SBNO1: variants seen among roughly 807,000 people sequenced by gnomAD.
SBNO1 encodes strawberry notch homolog 1, also known as protein strawberry notch homolog 1.
In SBNO1, 23 loss-of-function variants were observed where a neutral mutation model predicts 173.6. The ratio of observed to expected loss-of-function variants is 0.13; its 90% CI spans 0.10 to 0.19. The LOEUF is 0.19. SBNO1 is among the 10% of genes least tolerant of loss of function. The probability of loss-of-function intolerance (pLI) is 1.00; values close to 1 mark genes in which losing one functional copy is unlikely to be tolerated. For missense variants in SBNO1, 1,238 were observed against 1,671.2 expected, an observed-to-expected ratio of 0.74 and a Z score of 4.52; for synonymous variants, 632 against 571.5, an observed-to-expected ratio of 1.11 and a Z score of -1.51.
intron 1 of SBNO1, among the ~76,000 whole-genome samples, chr12:123,353,248 A>C (rs1874084263): frequency 6.6e-6 from 1 of 152,142 alleles, no homozygotes; most frequent in Non-Finnish European, 1.5e-5. Context: ...GCCCAAAACA[A>C]CCCTGAGTGA....
intron 1 of SBNO1, among the ~76,000 whole-genome samples, chr12:123,354,996 C>T (rs1014384589): frequency 3.9e-5 from 6 of 152,164 alleles, no homozygotes; most frequent in Non-Finnish European, 1.5e-5. Context: ...TTGAAACCAG[C>T]CTGGGCAACA....
chr12:123,343,914 A>G (rs1593398175), intron 4 of SBNO1, among the ~76,000 whole-genome samples: 1 of 152,160 alleles, frequency 6.6e-6, no homozygotes, highest in African/African-American at 2.4e-5. Context: ...GTGCAGCCTG[A>G]TAAATGTCTG....
chr12:123,302,240 T>G (rs1322084016), intron 30 of SBNO1, among the ~76,000 whole-genome samples: 2 of 133,742 alleles, frequency 1.5e-5, no homozygotes, highest in African/African-American at 5.6e-5. Context: ...GCCTTATTGT[T>G]TTTTTTTTTG....
In SBNO1 at chr12:123,292,954, G is replaced by A. The variant is rs1417250102; in HGVS notation, c.*2954C>T. On this transcript the variant is annotated 3_prime_UTR_variant, in exon 32 of 32. Transcript: ENST00000602398. ...ACAGACAGAGACCTTGTGGTATGGA[G>A]GTTGCTAAATGAGGGGAACACTAAT... The A allele has an allele frequency of 1.3e-5, 2 of 152,198 alleles. No individual in the cohort carries two copies. The highest frequency in any genetic ancestry group is 2.9e-5 in the Non-Finnish European group (2 of 68,036). 9.4% of individuals were successfully genotyped at this position (152,198 alleles called of 1,614,324 possible).
chr12:123,306,444 C>T (rs1455652894), intron 28 of SBNO1, among the ~76,000 whole-genome samples: 1 of 152,192 alleles, frequency 6.6e-6, no homozygotes, highest in African/African-American at 2.4e-5. Flanking sequence ...CCTGTTGCCA[C>T]ACAGAGAATG....
rs755459995 is a variant in SBNO1 at position 123,309,325 on chromosome 12, A to G, written c.3615T>C (p.Phe1205=). Residue 1205 remains phenylalanine (F), a synonymous_variant, in exon 28 of 32, where the codon TTT becomes TTC. Coordinates refer to ENST00000602398, the MANE Select transcript of SBNO1 (RefSeq NM_001167856.3). ...WAELTGPDDG[F]YLSLQIRNNK... is the part of the protein sequence containing the mutation. ...AAAGTCGTACTTGCAATGACAAGTA[A>G]AAGCCATCGTCTGGTCCTGTCAGCT... 5.6e-6 allele frequency: 9 copies of G among 1,613,606 alleles called. No individual in the cohort carries two copies. The highest frequency in any genetic ancestry group is 1.6e-4 in the Middle Eastern group (1 of 6,084).
chr12:123,303,988 G>A (rs2048855105), intron 29 of SBNO1, among the ~76,000 whole-genome samples: 1 of 127,250 alleles, frequency 7.9e-6, no homozygotes, highest in Non-Finnish European at 1.6e-5. Flanking sequence ...GTGCAGTGGT[G>A]CAATCTCGGC....
In SBNO1 at chr12:123,290,355, T is replaced by C. The variant is rs2048493129; in HGVS notation, c.*5553A>G. On this transcript the variant is annotated 3_prime_UTR_variant, in exon 32 of 32. Coordinates refer to ENST00000602398, the MANE Select transcript of SBNO1 (RefSeq NM_001167856.3). Reference sequence around the variant, plus strand: ...AATAGTAATGAATGAAACTTGTACATGAATGAAAAGGCCCCAAAGACGCTC... The same window carrying C: ...AATAGTAATGAATGAAACTTGTACACGAATGAAAAGGCCCCAAAGACGCTC... 1 of 152,208 alleles carries C rather than the reference T, an allele frequency of 6.6e-6. No homozygotes were observed. Among genetic ancestry groups the C allele is most frequent in the Admixed American group, 6.5e-5 (1 of 15,278 alleles). The allele number at this position is 152,208 out of a possible 1,614,324, so 9.4% of individuals were successfully genotyped here.
chr12:123,359,180 G>A lies in SBNO1; in HGVS notation c.-1+5521C>T, dbSNP rs539976165. ...CATCTCCCGACCTCGTGATCAGCCC[G>A]CCTCAGCCTCCCAAAGTGCTGGGAT... is the stretch of plus-strand genomic sequence containing the variant. On this transcript the variant is annotated intron_variant, in intron 1 of 31. Coordinates refer to ENST00000602398, the MANE Select transcript of SBNO1 (RefSeq NM_001167856.3). Among the ~76,000 whole-genome samples, 70 of 151,786 alleles carry A rather than the reference G, an allele frequency of 4.6e-4. No homozygotes were observed. In the East Asian group the frequency reaches 8.9e-3, roughly 19 times the overall value.
At chr12:123,364,104 G>A (rs964592624) in intron 1 of SBNO1, 1 of 985,570 alleles carries the variant, frequency 1.0e-6, no homozygotes, top group Non-Finnish European at 1.2e-6. Flanking sequence ...GAGTCGCCTG[G>A]AGAGGCGTGA....
intron 28 of SBNO1, among the ~76,000 whole-genome samples, chr12:123,305,150 G>C (rs894094207): frequency 1.1e-4 from 16 of 152,174 alleles, no homozygotes; most frequent in African/African-American, 2.4e-5. Flanking sequence ...AAGCTCTGCT[G>C]TATGTTTTTA....
Position 123,331,291 on chromosome 12 carries a change from C to T in SBNO1, c.994G>A (p.Ala332Thr), listed in dbSNP as rs1343711357. Reference sequence around the variant, plus strand: ...AAATAATTTTCATAGATGATTCCTGCTATCGTCCTTCCTTTTCCTACACCG... The same window carrying T: ...AAATAATTTTCATAGATGATTCCTGTTATCGTCCTTCCTTTTCCTACACCG... Reference protein sequence around the residue: ...GAGVGKGRTIAGIIYENYLLS... With the variant: ...GAGVGKGRTITGIIYENYLLS... The change falls in exon 8 of 32, where the codon GCA becomes ACA. Residue 332 changes from alanine (A) to threonine (T), a missense_variant. Physicochemically the swap from Ala to Thr is moderately conservative, Grantham distance 58. Coordinates refer to ENST00000602398, the MANE Select transcript of SBNO1 (RefSeq NM_001167856.3). The T allele has an allele frequency of 4.3e-6, 7 of 1,613,958 alleles. No homozygotes were observed. Among genetic ancestry groups the T allele is most frequent in the Non-Finnish European group, 5.1e-6 (6 of 1,179,962 alleles).
intron 28 of SBNO1, among the ~76,000 whole-genome samples, chr12:123,308,402 G>A (rs1284441938): frequency 6.6e-6 from 1 of 152,148 alleles, no homozygotes; most frequent in Non-Finnish European, 1.5e-5. Context: ...CAGGTGCAGT[G>A]GCTCAAGCCT....
rs1009197018 is a variant in SBNO1 at position 123,289,660 on chromosome 12, C to T, written c.*6248G>A. ...ATTGCAGAGATACAGTGTACCTCTT[C>T]CCACCTCTCATGGATGATGGAAGAT... On this transcript the variant is annotated 3_prime_UTR_variant, in exon 32 of 32. Coordinates refer to ENST00000602398, the MANE Select transcript of SBNO1 (RefSeq NM_001167856.3). 1 of 152,214 alleles carries T rather than the reference C, an allele frequency of 6.6e-6. No individual in the cohort carries two copies. The highest frequency in any genetic ancestry group is 2.4e-5 in the African/African-American group (1 of 41,444). 9.4% of individuals were successfully genotyped at this position (152,214 alleles called of 1,614,324 possible). A position where few individuals can be genotyped will look rare whatever the true frequency, so the allele number is the denominator to read the frequency against.
intron 9 of SBNO1, among the ~76,000 whole-genome samples, chr12:123,330,080 G>A (rs1173503541): frequency 6.6e-6 from 1 of 152,118 alleles, no homozygotes; most frequent in African/African-American, 2.4e-5. Flanking sequence ...TGTCTAAACT[G>A]CACCCTTATG....
chr12:123,346,753 T>C (rs543446091), intron 3 of SBNO1, among the ~76,000 whole-genome samples: 3 of 152,174 alleles, frequency 2.0e-5, no homozygotes, highest in South Asian at 4.1e-4. Flanking sequence ...GACCGTGTTA[T>C]ATATCTTCAC....
In SBNO1 at chr12:123,309,213, C is replaced by G. The variant is rs2048996084; in HGVS notation, c.3630+97G>C. On this transcript the variant is annotated intron_variant, in intron 28 of 31. Transcript: ENST00000602398. ...AATTACCAAAATAGACAAAGCTAAACACAACTGGGAAACAGGTACAAAGTG... is the reference window on the plus strand; with the variant it reads ...AATTACCAAAATAGACAAAGCTAAAGACAACTGGGAAACAGGTACAAAGTG... 9.2e-6 allele frequency: 8 copies of G among 868,112 alleles called. No individual in the cohort carries two copies. In the South Asian group the frequency reaches 1.2e-4, roughly 13 times the overall value. 53.8% of individuals were successfully genotyped at this position (868,112 alleles called of 1,614,324 possible).
rs1451724798 is a variant in SBNO1 at position 123,327,739 on chromosome 12, T to C, written c.1506A>G (p.Glu502=). The part of the protein sequence containing the change: ...GIWGEGTPFR[E]FSDFIQAVER... ...CTACTGCTTGAATAAAATCACTGAATTCTCTAAATGGAGTACCCTCACCCC... is the reference window on the plus strand; with the variant it reads ...CTACTGCTTGAATAAAATCACTGAACTCTCTAAATGGAGTACCCTCACCCC... The change falls in exon 12 of 32, where the codon GAA becomes GAG. Residue 502 remains glutamate (E), a synonymous_variant. Transcript: ENST00000602398. 3 of 1,613,652 alleles carry C rather than the reference T, an allele frequency of 1.9e-6. No individual in the cohort carries two copies. In the South Asian group the frequency reaches 3.3e-5, roughly 18 times the overall value.
At chr12:123,296,779 T>C (rs1327237756) in intron 31 of SBNO1, among the ~76,000 whole-genome samples, 1 of 152,004 alleles carries the variant, frequency 6.6e-6, no homozygotes. Context: ...CAGGATGATC[T>C]CGATCTCTTG....
Sources: gnomAD v4.1 joint callset for allele counts (sites outside exome capture counted in the v4.1 genomes callset) on GRCh38, gnomAD v4.1.1 for gene constraint, MANE v1.5 for transcripts, NCBI Gene and HGNC (gene_info 2026-07-23, HGNC 2026-07-21) for gene names.